Variants in ANK3 observed in about 807,000 individuals in gnomAD.
ANK3 encodes the protein ankyrin-3.
ANK3 carries 57 observed loss-of-function variants against 370.9 expected under a neutral mutation model. That is an observed-to-expected ratio of 0.15 (90% CI 0.12 to 0.19). The LOEUF (loss-of-function observed/expected upper bound fraction) is 0.19. Ranked by LOEUF, ANK3 falls within the 10% of genes least tolerant of loss-of-function variation. The pLI is 1.00. For missense variants in ANK3, 4,439 were observed against 5,302.1 expected, an observed-to-expected ratio of 0.84 and a Z score of 5.06; for synonymous variants, 1,929 against 1,946.3, an observed-to-expected ratio of 0.99 and a Z score of 0.23.
chr10:60,208,886 T>A (rs1002077245), intron 9 of ANK3, among the ~76,000 whole-genome samples: 5 of 152,200 alleles, frequency 3.3e-5, no homozygotes, highest in Admixed American at 1.3e-4. Flanking sequence ...GTGTCTATGA[T>A]GAGGAAAGGC....
At chr10:60,440,004 A>G (rs763938992) in intron 2 of ANK3, among the ~76,000 whole-genome samples, 1 of 152,224 alleles carries the variant, frequency 6.6e-6, no homozygotes, top group Non-Finnish European at 1.5e-5. Context: ...TACAAAGTAC[A>G]TTTCAATATG....
chr10:60,167,579 T>A (rs1487009539), intron 21 of ANK3, among the ~76,000 whole-genome samples: 2 of 152,024 alleles, frequency 1.3e-5, no homozygotes, highest in African/African-American at 4.8e-5. Context: ...GGTAAGAAAA[T>A]CTTAGATTAT....
Position 60,427,100 on chromosome 10 carries a change from C to T in ANK3, c.97-147461G>A, listed in dbSNP as rs1462569211. Among the ~76,000 whole-genome samples, 5 of 152,220 alleles carry T rather than the reference C, an allele frequency of 3.3e-5. No individual in the cohort carries two copies. In the East Asian group the frequency reaches 7.7e-4, roughly 24 times the overall value. ...CACATGGAAAACAACTGAGCATTTGCTGAAGTTCATGAAGAGAATAATTCA... is the reference window on the plus strand; with the variant it reads ...CACATGGAAAACAACTGAGCATTTGTTGAAGTTCATGAAGAGAATAATTCA... On this transcript the variant is annotated intron_variant, in intron 2 of 43. Coordinates refer to the ANK3 transcript ENST00000373827.
At chr10:60,523,960 C>T (rs1286608622) in intron 2 of ANK3, among the ~76,000 whole-genome samples, 1 of 152,084 alleles carries the variant, frequency 6.6e-6, no homozygotes, top group Non-Finnish European at 1.5e-5. Flanking sequence ...TAAACATACA[C>T]TGGTCTATTC....
intron 1 of ANK3, among the ~76,000 whole-genome samples, chr10:60,301,992 T>A (rs916832495): frequency 2.0e-5 from 3 of 152,178 alleles, no homozygotes; most frequent in Non-Finnish European, 4.4e-5. Flanking sequence ...AGTGTGTAAG[T>A]CTATTCACTC....
intron 28 of ANK3, among the ~76,000 whole-genome samples, chr10:60,096,811 G>A (rs913305775): frequency 6.6e-6 from 1 of 152,142 alleles, no homozygotes; most frequent in Admixed American, 6.5e-5. Flanking sequence ...TTTTTAAAAG[G>A]ATATTCTAAA....
At chr10:60,632,913 A>ACC (rs34551436) in intron 1 of ANK3, among the ~76,000 whole-genome samples, 3 of 150,904 alleles carry the variant, frequency 2.0e-5, no homozygotes, top group Admixed American at 2.0e-4. Context: ...CAAAAAAAAA[A>ACC]CCATACTTAT....
At chr10:60,119,040 C>G (rs1419267896) in intron 25 of ANK3, among the ~76,000 whole-genome samples, 1 of 152,144 alleles carries the variant, frequency 6.6e-6, no homozygotes, top group Non-Finnish European at 1.5e-5. Flanking sequence ...AAACAATGAG[C>G]TATATATTAT....
intron 1 of ANK3, among the ~76,000 whole-genome samples, chr10:60,346,559 A>G (rs1242524386): frequency 6.6e-6 from 1 of 152,136 alleles, no homozygotes; most frequent in African/African-American, 2.4e-5. Flanking sequence ...GGAATAATAA[A>G]CCTCCCATGT....
At chr10:60,377,390 T>C (rs1049955318) in intron 1 of ANK3, among the ~76,000 whole-genome samples, 1 of 152,240 alleles carries the variant, frequency 6.6e-6, no homozygotes, top group Non-Finnish European at 1.5e-5. Flanking sequence ...CCTAGACTAT[T>C]GTAAATACAC....
At chr10:60,460,829 A>T (rs750529165) in intron 2 of ANK3, among the ~76,000 whole-genome samples, 1 of 152,190 alleles carries the variant, frequency 6.6e-6, no homozygotes, top group Non-Finnish European at 1.5e-5. Context: ...ATTATTGCTG[A>T]ATTTTATTAA....
chr10:60,617,493 C>T (rs930289108), intron 1 of ANK3, among the ~76,000 whole-genome samples: 2 of 152,144 alleles, frequency 1.3e-5, no homozygotes, highest in Non-Finnish European at 2.9e-5. Context: ...CAGTTTTTGA[C>T]ACCTGGGCAA....
intron 1 of ANK3, among the ~76,000 whole-genome samples, chr10:60,628,807 C>T (rs1218574341): frequency 6.6e-6 from 1 of 152,144 alleles, no homozygotes; most frequent in African/African-American, 2.4e-5. Flanking sequence ...ACTTTTCCCA[C>T]TTAATGGTGT....
intron 25 of ANK3, among the ~76,000 whole-genome samples, chr10:60,131,565 C>A (rs1160596206): frequency 6.6e-6 from 1 of 152,186 alleles, no homozygotes; most frequent in Non-Finnish European, 1.5e-5. Flanking sequence ...CTCAAAACTT[C>A]TCTTTGTCTT....
At chr10:60,423,328 C>T (rs1194370804) in intron 2 of ANK3, among the ~76,000 whole-genome samples, 4 of 151,714 alleles carry the variant, frequency 2.6e-5, no homozygotes, top group Admixed American at 6.6e-5. Flanking sequence ...AAAAAGAAAA[C>T]AATATCCATA....
At chr10:60,327,128 A>G (rs933951992) in intron 1 of ANK3, among the ~76,000 whole-genome samples, 26 of 152,196 alleles carry the variant, frequency 1.7e-4, no homozygotes, top group Admixed American at 8.5e-4. Flanking sequence ...TGAAGGCATA[A>G]AAGGAAGAGC....
In ANK3 at chr10:60,337,740, A is replaced by G. The variant is rs1377702034; in HGVS notation, c.114+51685T>C. ...TAGGTAGGTGCTAAGGCATACCACA[A>G]ATGAATAAAGCAAGATATTCCCTGA... On this transcript the variant is annotated intron_variant, in intron 1 of 43. Coordinates refer to ENST00000280772, the MANE Select transcript of ANK3 (RefSeq NM_020987.5). Among the ~76,000 whole-genome samples, 5 of 152,302 alleles carry G rather than the reference A, an allele frequency of 3.3e-5. No individual in the cohort carries two copies. In the East Asian group the frequency reaches 9.7e-4, roughly 29 times the overall value.
chr10:60,067,269 TA>T (rs1191314040), intron 38 of ANK3, among the ~76,000 whole-genome samples: 38 of 152,246 alleles, frequency 2.5e-4, no homozygotes, highest in African/African-American at 9.2e-4. Flanking sequence ...AAATCACATT[TA>T]AAAATTTTTA....
At chr10:60,420,053 G>A (rs1471403463) in intron 2 of ANK3, among the ~76,000 whole-genome samples, 1 of 151,952 alleles carries the variant, frequency 6.6e-6, no homozygotes, top group Non-Finnish European at 1.5e-5. Flanking sequence ...CCACTTTGAC[G>A]CCATTAAGCA....
Sources: gnomAD v4.1 joint callset for allele counts (sites outside exome capture counted in the v4.1 genomes callset) on GRCh38, gnomAD v4.1.1 for gene constraint, MANE v1.5 for transcripts, NCBI Gene and HGNC (gene_info 2026-07-23, HGNC 2026-07-21) for gene names.